The following TBCK variants were observed in gnomAD, a reference collection of about 807,000 sequenced individuals.
TBCK encodes the protein TBC domain-containing protein kinase-like protein.
TBCK carries 99 observed loss-of-function variants against 113.4 expected under a neutral mutation model. The observed-to-expected ratio is 0.87, with a 90% CI of 0.74 to 1.03. The LOEUF (loss-of-function observed/expected upper bound fraction) is 1.03, where lower values mean the gene tolerates loss of function less well. TBCK is among the 50% of genes least tolerant of loss of function. The pLI is 0.00. For missense variants in TBCK, 1,045 were observed against 1,061.3 expected (o/e 0.98, Z 0.21); for synonymous variants, 369 against 370.8 (o/e 1.00, Z 0.05).
chr4:106,125,515 A>G (rs945899392), intron 23 of TBCK, among the ~76,000 whole-genome samples: 3 of 152,210 alleles, frequency 2.0e-5, no homozygotes, highest in African/African-American at 2.4e-5. Flanking sequence ...ATAAATAAAT[A>G]AATGAATAAA....
intron 3 of TBCK, among the ~76,000 whole-genome samples, chr4:106,268,536 T>C (rs368463917): frequency 9.9e-5 from 15 of 152,196 alleles, no homozygotes; most frequent in African/African-American, 3.1e-4. Context: ...CACCTCAAGA[T>C]AGAATGTATA....
chr4:106,150,481 G>A (rs962364227), intron 23 of TBCK, among the ~76,000 whole-genome samples: 1 of 151,942 alleles, frequency 6.6e-6, no homozygotes, highest in Non-Finnish European at 1.5e-5. Context: ...TGTGTGCATC[G>A]AGTCCTAAAA....
chr4:106,310,121 G>A (rs1768035796), intron 1 of TBCK, among the ~76,000 whole-genome samples: 1 of 152,078 alleles, frequency 6.6e-6, no homozygotes. Context: ...TCCCTTCTCA[G>A]CTTAATGATA....
chr4:106,101,037 C>T (rs1367369881), intron 24 of TBCK, among the ~76,000 whole-genome samples: 1 of 152,138 alleles, frequency 6.6e-6, no homozygotes, highest in African/African-American at 2.4e-5. Context: ...CAGACATAGG[C>T]CATTTCATAT....
intron 23 of TBCK, among the ~76,000 whole-genome samples, chr4:106,155,027 G>C (rs1260627481): frequency 6.6e-6 from 1 of 151,738 alleles, no homozygotes; most frequent in Non-Finnish European, 1.5e-5. Flanking sequence ...ACTGCCTTTA[G>C]CACTTGTAGG....
chr4:106,202,935 C>A (rs1755050502), intron 20 of TBCK, among the ~76,000 whole-genome samples: 1 of 151,632 alleles, frequency 6.6e-6, no homozygotes, highest in African/African-American at 2.4e-5. Flanking sequence ...ACAGTTTAAG[C>A]AAATAAATGC....
At chr4:106,080,594 T>C (rs1282354753) in intron 25 of TBCK, among the ~76,000 whole-genome samples, 2 of 152,172 alleles carry the variant, frequency 1.3e-5, no homozygotes, top group African/African-American at 4.8e-5. Context: ...GGCAATACCA[T>C]TCTGGGCAGT....
At chr4:106,124,440 T>G (rs994774521) in intron 23 of TBCK, among the ~76,000 whole-genome samples, 3 of 152,228 alleles carry the variant, frequency 2.0e-5, no homozygotes, top group African/African-American at 7.2e-5. Context: ...GAAGTCAGTG[T>G]GGCGATTCCT....
intron 3 of TBCK, 88 bp from the exon 4 acceptor site, chr4:106,262,300 T>A: frequency 1.6e-6 from 1 of 638,732 alleles, no homozygotes; most frequent in Admixed American, 3.0e-5. Context: ...GTGAAAATAT[T>A]CAAAAAGTTA....
intron 23 of TBCK, among the ~76,000 whole-genome samples, chr4:106,121,465 C>T (rs1422942903): frequency 2.7e-5 from 4 of 147,568 alleles, no homozygotes; most frequent in East Asian, 3.9e-4. Context: ...GACAGATCAA[C>T]GAGACAGAAA....
Position 106,189,047 on chromosome 4 carries a change from A to G in TBCK, c.2059+4562T>C, listed in dbSNP as rs1028104321. ...TGAGGTTTTAAAAGTAATTTTTCATAAAGTTTTATTTCAGTGACTATACAC... is the reference window on the plus strand; with the variant it reads ...TGAGGTTTTAAAAGTAATTTTTCATGAAGTTTTATTTCAGTGACTATACAC... On this transcript the variant is annotated intron_variant, in intron 22 of 25. Coordinates refer to ENST00000394708, the MANE Select transcript of TBCK (RefSeq NM_001163435.3). 5.3e-5 allele frequency among the ~76,000 whole-genome samples: 8 copies of G among 152,316 alleles called. No individual in the cohort carries two copies. In the East Asian group the frequency reaches 1.4e-3, roughly 26 times the overall value.
intron 24 of TBCK, among the ~76,000 whole-genome samples, chr4:106,100,553 G>A (rs754245282): frequency 2.0e-5 from 3 of 151,738 alleles, no homozygotes; most frequent in African/African-American, 4.9e-5. Flanking sequence ...CACTCTTTAT[G>A]ACAGGATATG....
At chr4:106,247,420 G>T in intron 9 of TBCK, 133 bp from the exon 10 acceptor site, 1 of 783,448 alleles carries the variant, frequency 1.3e-6, no homozygotes, top group Non-Finnish European at 2.0e-6. Context: ...GCTCTCTTTT[G>T]CAGAGTCTAG....
intron 23 of TBCK, among the ~76,000 whole-genome samples, chr4:106,136,408 A>G (rs1746563675): frequency 7.1e-6 from 1 of 141,384 alleles, no homozygotes; most frequent in African/African-American, 2.5e-5. Flanking sequence ...CCAGAAAAGA[A>G]GTGGAAAACT....
chr4:106,186,599 G>T lies in TBCK; in HGVS notation c.2059+7010C>A, dbSNP rs187953097. On this transcript the variant is annotated intron_variant, in intron 22 of 25. Transcript: ENST00000394708. ...GGGGTCATTTGTGTTTTCCTTGTTG[G>T]TTTAAGTTGTTTTTAAGACTCTGGA... Among the ~76,000 whole-genome samples, 306 of 152,030 alleles carry T rather than the reference G, an allele frequency of 2.0e-3. 2 individuals carry two copies. The highest frequency in any genetic ancestry group is 6.4e-3 in the African/African-American group (266 of 41,498).
At chr4:106,083,190 T>TG (rs1488673984) in intron 25 of TBCK, among the ~76,000 whole-genome samples, 1 of 152,182 alleles carries the variant, frequency 6.6e-6, no homozygotes, top group Non-Finnish European at 1.5e-5. Context: ...CTAAGCTCCC[T>TG]GGGCAGGGGA....
Position 106,309,973 on chromosome 4 carries a change from G to A in TBCK, c.-29-984C>T, listed in dbSNP as rs1199687976. ...AAGTTGCGTAAAGTAGTAGCCTGGAGAGTAGGAAACTTGCTCCATATCAAT... is the reference window on the plus strand; with the variant it reads ...AAGTTGCGTAAAGTAGTAGCCTGGAAAGTAGGAAACTTGCTCCATATCAAT... On this transcript the variant is annotated intron_variant, in intron 1 of 25. Coordinates refer to ENST00000394708, the MANE Select transcript of TBCK (RefSeq NM_001163435.3). 4 of 152,100 alleles carry A rather than the reference G, an allele frequency of 2.6e-5. No homozygotes were observed. In the South Asian group the frequency reaches 8.3e-4, roughly 32 times the overall value. 9.4% of individuals were successfully genotyped at this position (152,100 alleles called of 1,614,324 possible). A position where few individuals can be genotyped will look rare whatever the true frequency, so the allele number is the denominator to read the frequency against.
chr4:106,201,716 A>G (rs1754904949), intron 20 of TBCK, among the ~76,000 whole-genome samples: 1 of 152,028 alleles, frequency 6.6e-6, no homozygotes, highest in African/African-American at 2.4e-5. Context: ...GAAGGGGGAT[A>G]ATTTTCTTGA....
intron 25 of TBCK, among the ~76,000 whole-genome samples, chr4:106,055,571 CACACAT>C (rs748894325): frequency 5.6e-4 from 78 of 139,022 alleles, no homozygotes; most frequent in African/African-American, 2.0e-3. Flanking sequence ...CACACACACA[CACACAT>C]ATATATAATT....
Sources: allele counts gnomAD v4.1 joint callset (sites outside exome capture counted in the v4.1 genomes callset), GRCh38; gene constraint gnomAD v4.1.1; transcripts MANE v1.5; gene names NCBI Gene and HGNC (gene_info 2026-07-23, HGNC 2026-07-21).